TAFA2: variants seen among roughly 807,000 people sequenced by gnomAD.
TAFA2 encodes the protein TAFA chemokine like family member 2, also known as chemokine-like protein TAFA-2.
A neutral mutation model predicts 18.8 loss-of-function variants in TAFA2; 7 were observed. The observed-to-expected ratio is 0.37, with a 90% CI of 0.21 to 0.70. The LOEUF (loss-of-function observed/expected upper bound fraction) is 0.70, where lower values mean the gene tolerates loss of function less well. TAFA2 is among the 30% of genes least tolerant of loss of function. The pLI is 0.53. For synonymous variants in TAFA2, 60 were observed against 54.2 expected (o/e 1.11, Z -0.47); for missense variants, 122 against 158.1 (o/e 0.77, Z 1.23).
At chr12:61,766,053 A>G (rs186587703) in intron 2 of TAFA2, among the ~76,000 whole-genome samples, 104 of 151,892 alleles carry the variant, frequency 6.8e-4, no homozygotes, top group African/African-American at 2.3e-3. Flanking sequence ...CTTCCCTACA[A>G]CTTCACTTCT....
At chr12:62,248,977 G>A (rs2062899083) in intron 1 of TAFA2, among the ~76,000 whole-genome samples, 1 of 152,078 alleles carries the variant, frequency 6.6e-6, no homozygotes, top group South Asian at 2.1e-4. Flanking sequence ...GAATGTGAGA[G>A]ATGCAAAATT....
Position 61,925,870 on chromosome 12 carries a change from T to C in TAFA2, c.-1-58444A>G, listed in dbSNP as rs190754890. Among the ~76,000 whole-genome samples the C allele has an allele frequency of 5.3e-5, 8 of 151,756 alleles. No individual in the cohort carries two copies. The East Asian group carries it at 1.6e-3, about 29-fold the overall frequency. ...AAGATCAGAGCAGAACTGAAGGAGATACAGACACGAAAAGCCCTTCAAAAA... is the reference window on the plus strand; with the variant it reads ...AAGATCAGAGCAGAACTGAAGGAGACACAGACACGAAAAGCCCTTCAAAAA... On this transcript the variant is annotated intron_variant, in intron 1 of 4. Transcript: ENST00000416284.
chr12:61,844,811 C>T (rs1873334761), intron 2 of TAFA2, among the ~76,000 whole-genome samples: 1 of 152,076 alleles, frequency 6.6e-6, no homozygotes, highest in East Asian at 1.9e-4. Context: ...TAGCTGTTTT[C>T]CCAACCATAG....
intron 1 of TAFA2, among the ~76,000 whole-genome samples, chr12:61,874,823 A>G (rs1001157291): frequency 3.3e-4 from 50 of 152,172 alleles, no homozygotes; most frequent in African/African-American, 1.2e-3. Flanking sequence ...GCTAAGCTAC[A>G]TCACCATGCA....
chr12:62,092,320 C>T (rs907955312), intron 1 of TAFA2, among the ~76,000 whole-genome samples: 1 of 151,956 alleles, frequency 6.6e-6, no homozygotes, highest in African/African-American at 2.4e-5. Flanking sequence ...TTCTATTACC[C>T]CATTTCTCTT....
At chr12:62,156,950 A>AT (rs534573563) in intron 1 of TAFA2, among the ~76,000 whole-genome samples, 3 of 152,062 alleles carry the variant, frequency 2.0e-5, no homozygotes, top group Admixed American at 6.6e-5. Context: ...GTATAATAGG[A>AT]TTTTTTTTAC....
At chr12:62,100,035 T>A (rs1004071450) in intron 1 of TAFA2, among the ~76,000 whole-genome samples, 20 of 152,060 alleles carry the variant, frequency 1.3e-4, no homozygotes, top group African/African-American at 4.1e-4. Flanking sequence ...AATATGAATT[T>A]TTTTATTTTT....
chr12:62,096,168 G>T (rs924589113), intron 1 of TAFA2, among the ~76,000 whole-genome samples: 5 of 151,986 alleles, frequency 3.3e-5, no homozygotes, highest in Admixed American at 6.6e-5. Flanking sequence ...ATCTGCGTTT[G>T]GACTCTTAAT....
intron 1 of TAFA2, among the ~76,000 whole-genome samples, chr12:61,927,892 C>CA (rs1877374587): frequency 6.6e-6 from 1 of 152,126 alleles, no homozygotes; most frequent in South Asian, 2.1e-4. Flanking sequence ...ACAAACCTGA[C>CA]AAAAACAAGC....
intron 1 of TAFA2, among the ~76,000 whole-genome samples, chr12:62,124,449 A>G (rs1870363469): frequency 1.3e-5 from 2 of 152,318 alleles, no homozygotes; most frequent in South Asian, 4.1e-4. Flanking sequence ...ATGGAATCAC[A>G]AAGTGCATTC....
At chr12:62,230,664 G>A (rs2062808415) in intron 1 of TAFA2, among the ~76,000 whole-genome samples, 1 of 151,936 alleles carries the variant, frequency 6.6e-6, no homozygotes, top group South Asian at 2.1e-4. Context: ...TTGGGTTTTG[G>A]TTTTTCTTTG....
chr12:61,737,236 A>G (rs1206831156), intron 4 of TAFA2, among the ~76,000 whole-genome samples: 1 of 151,956 alleles, frequency 6.6e-6, no homozygotes, highest in Non-Finnish European at 1.5e-5. Flanking sequence ...AGATTTTTTA[A>G]GTTTTTTTCT....
At chr12:61,870,383 T>A (rs892393376) in intron 1 of TAFA2, among the ~76,000 whole-genome samples, 1 of 152,218 alleles carries the variant, frequency 6.6e-6, no homozygotes, top group South Asian at 2.1e-4. Flanking sequence ...ATATTTGCAG[T>A]ATTTAGTAAG....
chr12:61,914,391 G>C (rs552812940), intron 1 of TAFA2, among the ~76,000 whole-genome samples: 1 of 152,186 alleles, frequency 6.6e-6, no homozygotes, highest in South Asian at 2.1e-4. Context: ...TCCCACTGTG[G>C]CTTGCTTAGA....
chr12:61,941,607 G>A (rs1457220838), intron 1 of TAFA2, among the ~76,000 whole-genome samples: 4 of 152,198 alleles, frequency 2.6e-5, no homozygotes, highest in Admixed American at 2.6e-4. Flanking sequence ...CACCGTGCGT[G>A]AGCCGAAGCA....
intron 4 of TAFA2, among the ~76,000 whole-genome samples, chr12:61,719,785 G>A (rs752531573): frequency 1.1e-4 from 17 of 152,136 alleles, no homozygotes; most frequent in Non-Finnish European, 2.1e-4. Context: ...CACTTAAAAG[G>A]ACTTGATGTA....
chr12:61,936,391 AC>A (rs1322371111), intron 1 of TAFA2, among the ~76,000 whole-genome samples: 2 of 152,068 alleles, frequency 1.3e-5, no homozygotes, highest in Non-Finnish European at 2.9e-5. Context: ...ACATGGTGAA[AC>A]CCTGTCTCTA....
At chr12:62,255,997 C>T (rs565484400) in intron 1 of TAFA2, among the ~76,000 whole-genome samples, 53 of 150,470 alleles carry the variant, frequency 3.5e-4, no homozygotes, top group African/African-American at 1.2e-3. Flanking sequence ...AGGCCAGGCA[C>T]GTGGCTCATG....
intron 2 of TAFA2, among the ~76,000 whole-genome samples, chr12:61,831,585 G>C (rs1872722039): frequency 6.6e-6 from 1 of 152,090 alleles, no homozygotes; most frequent in African/African-American, 2.4e-5. Context: ...AACAGAAAGT[G>C]TGAAGCATTA....
Sources: allele counts gnomAD v4.1 joint callset (sites outside exome capture counted in the v4.1 genomes callset), GRCh38; gene constraint gnomAD v4.1.1; transcripts MANE v1.5; gene names NCBI Gene and HGNC (gene_info 2026-07-23, HGNC 2026-07-21).